The following KALRN variants were observed in gnomAD, a reference collection of about 807,000 sequenced individuals.
KALRN encodes the protein kalirin.
KALRN carries 70 observed loss-of-function variants against 353.7 expected under a neutral mutation model. The observed-to-expected ratio is 0.20, with a 90% CI of 0.16 to 0.24. The LOEUF is 0.24. Ranked by LOEUF, KALRN falls within the 10% of genes least tolerant of loss-of-function variation. The pLI is 1.00. For missense variants in KALRN, 2,791 were observed against 3,756.7 expected (o/e 0.74, Z 6.72); for synonymous variants, 1,391 against 1,434.8 (o/e 0.97, Z 0.69).
intron 57 of KALRN, among the ~76,000 whole-genome samples, chr3:124,707,182 TAAAAG>T (rs1216839166): frequency 2.6e-5 from 4 of 151,256 alleles, no homozygotes; most frequent in Non-Finnish European, 4.4e-5. Context: ...CTACAAAAAA[TAAAAG>T]AAAAAACTAG....
chr3:124,064,810 T>C (rs1459916178), intron 1 of KALRN, among the ~76,000 whole-genome samples: 1 of 152,182 alleles, frequency 6.6e-6, no homozygotes, highest in East Asian at 1.9e-4. Flanking sequence ...CCCCTTGAGC[T>C]ACACACACGT....
chr3:124,349,201 ATAC>A (rs1327117003), intron 10 of KALRN, among the ~76,000 whole-genome samples: 3 of 152,244 alleles, frequency 2.0e-5, no homozygotes, highest in Non-Finnish European at 4.4e-5. Flanking sequence ...TGAAGACATT[ATAC>A]TAAGTGAAAT....
chr3:124,143,260 C>T (rs1486513823), intron 1 of KALRN, among the ~76,000 whole-genome samples: 2 of 152,170 alleles, frequency 1.3e-5, no homozygotes, highest in Non-Finnish European at 2.9e-5. Context: ...GCACATATTT[C>T]TTCATATCTC....
Position 124,037,619 on chromosome 3 carries a change from A to G in KALRN, c.73+3806A>G, listed in dbSNP as rs374480560. Reference sequence around the variant, plus strand: ...AATAAGTGGAGAAGAGAAGGGTAGAATCTAGGGAGATGCAAAAGTGATCTG... The same window carrying G: ...AATAAGTGGAGAAGAGAAGGGTAGAGTCTAGGGAGATGCAAAAGTGATCTG... On this transcript the variant is annotated intron_variant, in intron 1 of 59. Transcript: ENST00000682506. 2.0e-5 allele frequency among the ~76,000 whole-genome samples: 3 copies of G among 152,140 alleles called. No individual in the cohort carries two copies. In the East Asian group the frequency reaches 5.8e-4, roughly 29 times the overall value.
intron 13 of KALRN, among the ~76,000 whole-genome samples, chr3:124,409,884 A>G (rs1012539228): frequency 1.1e-4 from 16 of 152,120 alleles, no homozygotes; most frequent in African/African-American, 3.6e-4. Context: ...AGCTGTGGGC[A>G]TCAGTGCCTG....
chr3:124,060,760 GC>G (rs912744702), intron 1 of KALRN, among the ~76,000 whole-genome samples: 5 of 152,240 alleles, frequency 3.3e-5, no homozygotes, highest in African/African-American at 9.6e-5. Flanking sequence ...CGGTGATGGT[GC>G]TGCCAACTCA....
chr3:124,514,235 G>A (rs1241500368), intron 33 of KALRN, among the ~76,000 whole-genome samples: 4 of 152,136 alleles, frequency 2.6e-5, no homozygotes, highest in Admixed American at 2.6e-4. Flanking sequence ...TATTCACAGA[G>A]TTCCTCTGTA....
intron 1 of KALRN, among the ~76,000 whole-genome samples, chr3:124,142,057 A>T (rs185672582): frequency 6.6e-6 from 1 of 152,076 alleles, no homozygotes; most frequent in East Asian, 1.9e-4. Context: ...GGAAACATTT[A>T]TCTCCCTCTC....
intron 10 of KALRN, among the ~76,000 whole-genome samples, chr3:124,363,095 A>G (rs1006350465): frequency 3.9e-5 from 6 of 152,170 alleles, no homozygotes; most frequent in Non-Finnish European, 2.9e-5. Flanking sequence ...ATGTACAACT[A>G]TTATATAAAA....
intron 34 of KALRN, among the ~76,000 whole-genome samples, chr3:124,602,861 C>G (rs2076944451): frequency 6.6e-6 from 1 of 152,168 alleles, no homozygotes; most frequent in African/African-American, 2.4e-5. Context: ...ATGATTCTCC[C>G]AAGAGTACTT....
At chr3:124,275,090 G>A (rs923997129) in intron 5 of KALRN, among the ~76,000 whole-genome samples, 1 of 152,146 alleles carries the variant, frequency 6.6e-6, no homozygotes, top group Non-Finnish European at 1.5e-5. Context: ...CTTTTCTTCT[G>A]CTTCCACACT....
intron 21 of KALRN, among the ~76,000 whole-genome samples, chr3:124,450,032 G>A (rs186305278): frequency 6.6e-6 from 1 of 152,210 alleles, no homozygotes; most frequent in Non-Finnish European, 1.5e-5. Flanking sequence ...GGCGTGAACA[G>A]ATGTTTCAGT....
rs2092316802 is a variant in KALRN at position 124,413,531 on chromosome 3, C to A, written c.2408C>A (p.Thr803Lys). Residue 803 changes from threonine to lysine, a missense_variant, in exon 14 of 60, where the codon ACA becomes AAA. By Grantham distance (78) the Thr-to-Lys change is moderately conservative (BLOSUM62 -1). This residue lies in a region of KALRN where 452 missense variants were observed against 575.8 expected (regional missense o/e 0.78). Transcript: ENST00000682506. ...DLLRQMNDFN[T>K]EDLTLAEQRL... ...CTTCGGCAGATGAATGACTTCAACA[C>A]AGAGGACCTAACCCTGGCAGAACAG... The A allele has an allele frequency of 6.2e-7, 1 of 1,614,062 alleles. No individual in the cohort carries two copies. Among genetic ancestry groups the A allele is most frequent in the African/African-American group, 1.3e-5 (1 of 74,934 alleles).
chr3:124,202,483 C>A (rs1279006544), intron 1 of KALRN, among the ~76,000 whole-genome samples: 1 of 152,162 alleles, frequency 6.6e-6, no homozygotes, highest in Non-Finnish European at 1.5e-5. Flanking sequence ...AACTCATGGG[C>A]TCAAGTGATC....
At chr3:124,300,719 G>A (rs1440236107) in intron 6 of KALRN, among the ~76,000 whole-genome samples, 1 of 152,200 alleles carries the variant, frequency 6.6e-6, no homozygotes, top group Non-Finnish European at 1.5e-5. Flanking sequence ...AGGTAGAGGT[G>A]AACATCATGA....
At chr3:124,592,439 T>C (rs2075888799) in intron 34 of KALRN, among the ~76,000 whole-genome samples, 2 of 151,952 alleles carry the variant, frequency 1.3e-5, no homozygotes, top group African/African-American at 4.8e-5. Context: ...GTTTGGATGC[T>C]GAGCATCTAC....
chr3:124,174,846 T>C (rs150579717), intron 1 of KALRN, among the ~76,000 whole-genome samples: 1 of 152,350 alleles, frequency 6.6e-6, no homozygotes, highest in African/African-American at 2.4e-5. Flanking sequence ...TTATAATCCT[T>C]GGCAGGAGAA....
chr3:124,548,641 GC>G (rs2070031055), intron 33 of KALRN, among the ~76,000 whole-genome samples: 1 of 152,148 alleles, frequency 6.6e-6, no homozygotes, highest in South Asian at 2.1e-4. Flanking sequence ...GTGTTCACAT[GC>G]ATTATAATCT....
intron 13 of KALRN, among the ~76,000 whole-genome samples, chr3:124,399,343 G>A (rs2090571256): frequency 6.6e-6 from 1 of 152,090 alleles, no homozygotes; most frequent in Admixed American, 6.5e-5. Flanking sequence ...TCACCACGTT[G>A]GTCAGGCTGG....
Sources: gnomAD v4.1 joint callset for allele counts (sites outside exome capture counted in the v4.1 genomes callset) on GRCh38, gnomAD v4.1.1 for gene constraint, gnomAD v4.1.1 regional missense constraint, MANE v1.5 for transcripts, NCBI Gene and HGNC (gene_info 2026-07-23, HGNC 2026-07-21) for gene names.